NUDCD2: variants seen among roughly 807,000 people sequenced by gnomAD.
NUDCD2 encodes the protein NudC domain containing 2, also known as nudC domain-containing protein 2.
A neutral mutation model predicts 20.8 loss-of-function variants in NUDCD2; 16 were observed. The observed-to-expected ratio is 0.77, with a 90% confidence interval of 0.52 to 1.17. The LOEUF is 1.17. NUDCD2 is among the 50% of genes most tolerant of loss of function. NUDCD2 has a pLI of 0.00. For synonymous variants in NUDCD2, 87 were observed against 72.8 expected, an observed-to-expected ratio of 1.20 and a Z score of -1.00; for missense variants, 199 against 193.9, an observed-to-expected ratio of 1.03 and a Z score of -0.16.
At chr5:163,457,954 T>C (rs1758365501) in intron 1 of NUDCD2, among the ~76,000 whole-genome samples, 1 of 148,978 alleles carries the variant, frequency 6.7e-6, no homozygotes, top group Non-Finnish European at 1.5e-5. Context: ...AGAAGGGATC[T>C]CCTGCTAAAA....
chr5:163,450,179 TG>T lies in NUDCD2; in HGVS notation c.*3787del, dbSNP rs1319832862. 6.6e-6 allele frequency: 1 copy of T among 152,206 alleles called. No individual in the cohort carries two copies. Among genetic ancestry groups the T allele is most frequent in the African/African-American group, 2.4e-5 (1 of 41,452 alleles). 9.4% of individuals were successfully genotyped at this position (152,206 alleles called of 1,614,324 possible). On this transcript the variant is annotated 3_prime_UTR_variant, in exon 4 of 4. Coordinates refer to ENST00000302764, the MANE Select transcript of NUDCD2 (RefSeq NM_145266.6). The stretch of plus-strand genomic sequence containing the variant: ...GGGAGACTGAAGCACAAGAATCACT[TG>T]AACCCAGCAGGCAGAGGTTGCAGTG...
chr5:163,458,521 T>A (rs2113430870), intron 1 of NUDCD2, among the ~76,000 whole-genome samples: 1 of 152,126 alleles, frequency 6.6e-6, no homozygotes, highest in South Asian at 2.1e-4. Context: ...ACCCCATGGG[T>A]TTGAGGCTGC....
intron 3 of NUDCD2, among the ~76,000 whole-genome samples, chr5:163,456,181 G>A (rs749919506): frequency 3.9e-5 from 6 of 152,158 alleles, no homozygotes; most frequent in Non-Finnish European, 7.4e-5. Flanking sequence ...GTCTAGGCTA[G>A]AGATATACAT....
In NUDCD2 at chr5:163,450,866, G is replaced by C. The variant is rs1480307717; in HGVS notation, c.*3101C>G. 6.6e-6 allele frequency: 1 copy of C among 152,198 alleles called. No individual in the cohort carries two copies. Among genetic ancestry groups the C allele is most frequent in the African/African-American group, 2.4e-5 (1 of 41,430 alleles). 9.4% of individuals were successfully genotyped at this position (152,198 alleles called of 1,614,324 possible). On this transcript the variant is annotated 3_prime_UTR_variant, in exon 4 of 4. Coordinates refer to ENST00000302764, the MANE Select transcript of NUDCD2 (RefSeq NM_145266.6). ...CTTGTACACGTTTATAGCAGCTTTAGTCAGGACAGCCAAAGGGTGGAAATA... is the reference window on the plus strand; with the variant it reads ...CTTGTACACGTTTATAGCAGCTTTACTCAGGACAGCCAAAGGGTGGAAATA...
At chr5:163,455,539 G>A (rs1053311713) in intron 3 of NUDCD2, among the ~76,000 whole-genome samples, 3 of 152,146 alleles carry the variant, frequency 2.0e-5, no homozygotes, top group Non-Finnish European at 4.4e-5. Flanking sequence ...CAAGGCGGGC[G>A]GATCACGAGG....
At chr5:163,454,220 A>G (rs927708918) in intron 3 of NUDCD2, among the ~76,000 whole-genome samples, 170 bp from the exon 4 acceptor site, 20 of 152,304 alleles carry the variant, frequency 1.3e-4, no homozygotes, top group Middle Eastern at 6.8e-3. Flanking sequence ...GCATTTTTCA[A>G]CTCTCCCAGT....
At position 163,451,048 on chromosome 5, in the gene NUDCD2, A is replaced by G. The variant is rs990755529; in HGVS notation, c.*2919T>C. On this transcript the variant is annotated 3_prime_UTR_variant, in exon 4 of 4. Coordinates refer to ENST00000302764, the MANE Select transcript of NUDCD2 (RefSeq NM_145266.6). The stretch of plus-strand genomic sequence containing the variant: ...GGAAGCCAGTAACCAAAGACCACGT[A>G]TTATGATTCCATGTACATGAAATGT... The G allele has an allele frequency of 5.9e-5, 9 of 152,234 alleles. No homozygotes were observed. The highest frequency in any genetic ancestry group is 4.4e-5 in the Non-Finnish European group (3 of 68,040). 9.4% of individuals were successfully genotyped at this position (152,234 alleles called of 1,614,324 possible).
At position 163,460,100 on chromosome 5, in the gene NUDCD2, C is replaced by A. The variant is rs1268870181; in HGVS notation, c.-50G>T. ...CGCACCAGGCGGAGCCGAGCGCACG[C>A]GCGGAATCCCACGCTTAGGCTACGC... On this transcript the variant is annotated 5_prime_UTR_variant, in exon 1 of 4. Coordinates refer to ENST00000302764, the MANE Select transcript of NUDCD2 (RefSeq NM_145266.6). The A allele has an allele frequency of 6.7e-7, 1 of 1,481,546 alleles. No individual in the cohort carries two copies. Among genetic ancestry groups the A allele is most frequent in the African/African-American group, 1.4e-5 (1 of 70,138 alleles). The allele number at this position is 1,481,546 out of a possible 1,614,324, so 91.8% of individuals were successfully genotyped here. A position where few individuals can be genotyped will look rare whatever the true frequency, so the allele number is the denominator to read the frequency against.
In NUDCD2 at chr5:163,448,669, G is replaced by A. The variant is rs552957279; in HGVS notation, c.*5298C>T. ...CCATACCAAGATAAAGATAACACAA[G>A]GAAAAAACAAACAAAAACAATTGCA... On this transcript the variant is annotated 3_prime_UTR_variant, in exon 4 of 4. Transcript: ENST00000302764. 22 of 151,746 alleles carry A rather than the reference G, an allele frequency of 1.4e-4. No homozygotes were observed. Among genetic ancestry groups the A allele is most frequent in the African/African-American group, 5.1e-4 (21 of 41,378 alleles). 9.4% of individuals were successfully genotyped at this position (151,746 alleles called of 1,614,324 possible). A position where few individuals can be genotyped will look rare whatever the true frequency, so the allele number is the denominator to read the frequency against.
rs1758184213 is a variant in NUDCD2, at chr5:163,451,751, AT to A, written c.*2215del. On this transcript the variant is annotated 3_prime_UTR_variant, in exon 4 of 4. Transcript: ENST00000302764. ...GTGAGGAAGACATTCATGTGGGGAG[AT>A]GACCTACAATAGAGAATCAGGCCAG... is the stretch of plus-strand genomic sequence containing the variant. The A allele has an allele frequency of 6.6e-6, 1 of 152,160 alleles. No individual in the cohort carries two copies. Among genetic ancestry groups the A allele is most frequent in the Non-Finnish European group, 1.5e-5 (1 of 68,078 alleles). The allele number at this position is 152,160 out of a possible 1,614,324, so 9.4% of individuals were successfully genotyped here.
chr5:163,456,563 T>C (rs1758316979), intron 3 of NUDCD2, among the ~76,000 whole-genome samples: 1 of 152,052 alleles, frequency 6.6e-6, no homozygotes, highest in South Asian at 2.1e-4. Flanking sequence ...ATAGCCAACA[T>C]ATGAGATGAA....
intron 2 of NUDCD2, among the ~76,000 whole-genome samples, chr5:163,457,285 C>T (rs895333511): frequency 6.6e-6 from 1 of 152,138 alleles, no homozygotes; most frequent in Non-Finnish European, 1.5e-5. Flanking sequence ...GCATGCGCCA[C>T]CATGCCCGGC....
rs753333910 is a variant in NUDCD2 at position 163,459,977 on chromosome 5, A to G, written c.74T>C (p.Leu25Ser). ...CTGAACTTCAATGAACACCTCCTCC[A>G]AGGTCTGGTACCACTGGCCCCACGG... ...GTPWGQWYQT[L>S]EEVFIEVQVP... The change falls in exon 1 of 4, where the codon TTG (leucine) becomes TCG (serine). Residue 25 changes from leucine (L) to serine (S), a missense_variant. Leu to Ser is a moderately radical substitution (Grantham distance 145). Coordinates refer to ENST00000302764, the MANE Select transcript of NUDCD2 (RefSeq NM_145266.6). 5.0e-6 allele frequency: 8 copies of G among 1,613,486 alleles called. No individual in the cohort carries two copies. The highest frequency in any genetic ancestry group is 6.8e-6 in the Non-Finnish European group (8 of 1,179,820).
In NUDCD2 at chr5:163,453,973, C is replaced by T. The variant is rs143460967; in HGVS notation, c.468G>A (p.Glu156=). 6.6e-7 allele frequency: 1 copy of T among 1,526,408 alleles called. No homozygotes were observed. Among genetic ancestry groups the T allele is most frequent in the African/African-American group, 1.4e-5 (1 of 71,854 alleles). 94.6% of individuals were successfully genotyped at this position (1,526,408 alleles called of 1,614,324 possible). The change falls in exon 4 of 4, where the codon GAG becomes GAA. Residue 156 remains glutamate, a synonymous_variant. Transcript: ENST00000302764. ...TKGGPDFSNL[E]K ...AATGCAGGAAAAAAAGCAGTTATTTCTCAAGGTTTGAGAAATCTGGTCCAC... is the reference window on the plus strand; with the variant it reads ...AATGCAGGAAAAAAAGCAGTTATTTTTCAAGGTTTGAGAAATCTGGTCCAC...
Position 163,453,921 on chromosome 5 carries a change from G to T in NUDCD2, c.*46C>A. The T allele has an allele frequency of 9.5e-7, 1 of 1,047,328 alleles. No individual in the cohort carries two copies. The highest frequency in any genetic ancestry group is 1.4e-6 in the Non-Finnish European group (1 of 724,094). The allele number at this position is 1,047,328 out of a possible 1,614,324, so 64.9% of individuals were successfully genotyped here. On this transcript the variant is annotated 3_prime_UTR_variant, in exon 4 of 4. Transcript: ENST00000302764. Reference sequence around the variant, plus strand: ...TTACATAATCTGTTTATCTGATTAAGTTGGCAATATCTGCTAGGATCCACA... The same window carrying T: ...TTACATAATCTGTTTATCTGATTAATTTGGCAATATCTGCTAGGATCCACA...
chr5:163,458,188 AG>A (rs1418516728), intron 1 of NUDCD2, among the ~76,000 whole-genome samples: 2 of 151,848 alleles, frequency 1.3e-5, no homozygotes, highest in Non-Finnish European at 2.9e-5. Context: ...TCCCCGTGTT[AG>A]CCAGGCTGGT....
rs913262032 is a variant in NUDCD2, at chr5:163,449,800, T to C, written c.*4167A>G. 7.9e-5 allele frequency: 12 copies of C among 152,062 alleles called. No individual in the cohort carries two copies. Among genetic ancestry groups the C allele is most frequent in the African/African-American group, 2.9e-4 (12 of 41,400 alleles). The allele number at this position is 152,062 out of a possible 1,614,324, so 9.4% of individuals were successfully genotyped here. A position where few individuals can be genotyped will look rare whatever the true frequency, so the allele number is the denominator to read the frequency against. On this transcript the variant is annotated 3_prime_UTR_variant, in exon 4 of 4. Coordinates refer to ENST00000302764, the MANE Select transcript of NUDCD2 (RefSeq NM_145266.6). Reference sequence around the variant, plus strand: ...TTTCTGACAAAGGTGAAAAGACAACTCAATGGGGAATGGAGAGTTTTTCAA... The same window carrying C: ...TTTCTGACAAAGGTGAAAAGACAACCCAATGGGGAATGGAGAGTTTTTCAA...
chr5:163,454,467 G>A (rs562869324), intron 3 of NUDCD2, among the ~76,000 whole-genome samples: 37 of 151,948 alleles, frequency 2.4e-4, no homozygotes, highest in Admixed American at 7.9e-4. Context: ...TAAGCCTCCC[G>A]AGTAGCTGCG....
chr5:163,454,033 G>T lies in NUDCD2; in HGVS notation c.408C>A (p.Phe136Leu). ...RFQKENPGFD[F>L]SGAEISGNYT... ...AGTTTCCTGAGATTTCTGCTCCACT[G>T]AAGTCAAAACCAGGATTCTAAAAGA... The change falls in exon 4 of 4, where the codon TTC becomes TTA. Residue 136 changes from phenylalanine (F) to leucine (L), a missense_variant. Phe to Leu is a conservative substitution (Grantham distance 22). Coordinates refer to ENST00000302764, the MANE Select transcript of NUDCD2 (RefSeq NM_145266.6). 1 of 1,550,896 alleles carries T rather than the reference G, an allele frequency of 6.4e-7. No homozygotes were observed. Among genetic ancestry groups the T allele is most frequent in the East Asian group, 2.3e-5 (1 of 42,992 alleles).
Sources: allele counts gnomAD v4.1 joint callset (sites outside exome capture counted in the v4.1 genomes callset), GRCh38; gene constraint gnomAD v4.1.1; transcripts MANE v1.5; gene names NCBI Gene and HGNC (gene_info 2026-07-23, HGNC 2026-07-21).